The following NRXN3 variants were observed in gnomAD, a reference collection of about 807,000 sequenced individuals.
NRXN3 encodes the protein neurexin 3.
Under a neutral mutation model 137.6 loss-of-function variants are expected in NRXN3, and 32 were observed. The observed-to-expected ratio is 0.23, with a 90% CI of 0.18 to 0.31. The LOEUF (loss-of-function observed/expected upper bound fraction) is 0.31. Among genes scored for constraint, NRXN3 ranks in the 10% least tolerant of loss-of-function variants. The pLI is 1.00. For missense variants in NRXN3, 1,574 were observed against 2,062.5 expected, an observed-to-expected ratio of 0.76 and a Z score of 4.59; for synonymous variants, 798 against 784.5, an observed-to-expected ratio of 1.02 and a Z score of -0.29.
intron 17 of NRXN3, among the ~76,000 whole-genome samples, chr14:79,664,941 A>T (rs1369836905): frequency 3.3e-5 from 5 of 152,168 alleles, no homozygotes; most frequent in Admixed American, 6.6e-5. Context: ...ACTTTTCTCT[A>T]ACTTCCTTTA....
intron 4 of NRXN3, among the ~76,000 whole-genome samples, chr14:78,542,001 C>T (rs10151887): frequency 0.12 from 11,731 of 95,730 alleles, 718 homozygotes; most frequent in African/African-American, 0.21. Context: ...ACAGCAAATA[C>T]TGCAGGAAAG....
At chr14:78,629,377 G>A (rs1018818956) in intron 4 of NRXN3, among the ~76,000 whole-genome samples, 3 of 152,196 alleles carry the variant, frequency 2.0e-5, no homozygotes, top group African/African-American at 7.2e-5. Flanking sequence ...CAATGTCATT[G>A]AGGAATGCTC....
intron 15 of NRXN3, among the ~76,000 whole-genome samples, chr14:79,096,340 G>A (rs2050329702): frequency 6.6e-6 from 1 of 151,902 alleles, no homozygotes; most frequent in Non-Finnish European, 1.5e-5. Flanking sequence ...TAACTCCTGA[G>A]CTCAGGCAAT....
intron 15 of NRXN3, among the ~76,000 whole-genome samples, chr14:79,382,468 G>C (rs1234597482): frequency 6.6e-6 from 1 of 152,016 alleles, no homozygotes; most frequent in African/African-American, 2.4e-5. Flanking sequence ...TAGGTATTTG[G>C]GAACATGATG....
At chr14:79,569,249 A>T (rs1486710333) in intron 16 of NRXN3, among the ~76,000 whole-genome samples, 4 of 152,012 alleles carry the variant, frequency 2.6e-5, no homozygotes, top group African/African-American at 7.2e-5. Context: ...CTGAAAATAC[A>T]TTCTTGCCTT....
chr14:79,019,414 T>A (rs2099584986), intron 15 of NRXN3, among the ~76,000 whole-genome samples: 1 of 152,150 alleles, frequency 6.6e-6, no homozygotes, highest in South Asian at 2.1e-4. Flanking sequence ...AGAGAGATAG[T>A]CAATAAATAA....
rs1431000776 is a variant in NRXN3, at chr14:79,413,870, A to G, written c.3263-53351A>G. 1.0e-4 allele frequency among the ~76,000 whole-genome samples: 12 copies of G among 118,202 alleles called. No individual in the cohort carries two copies. In the East Asian group the frequency reaches 2.4e-3, roughly 24 times the overall value. 77.5% of individuals were successfully genotyped at this position (118,202 alleles called of 152,430 possible). A position where few individuals can be genotyped will look rare whatever the true frequency, so the allele number is the denominator to read the frequency against. The stretch of plus-strand genomic sequence containing the variant: ...ACTGTGAGTGCAAGCTGACCCAGGA[A>G]CCATGTGGTTCTCAAAAAAAAAAAA... On this transcript the variant is annotated intron_variant, in intron 15 of 20. Transcript: ENST00000335750.
intron 15 of NRXN3, among the ~76,000 whole-genome samples, chr14:79,023,048 A>G (rs561608117): frequency 1.5e-4 from 22 of 149,518 alleles, no homozygotes; most frequent in African/African-American, 5.4e-4. Context: ...ACTTTGGTTG[A>G]TGGAGGGCAG....
chr14:79,743,463 C>T (rs2098969463), intron 19 of NRXN3, among the ~76,000 whole-genome samples: 1 of 152,198 alleles, frequency 6.6e-6, no homozygotes, highest in African/African-American at 2.4e-5. Flanking sequence ...AGTGACTGTA[C>T]TGTGACCATT....
At chr14:79,558,600 C>G (rs576094648) in intron 16 of NRXN3, among the ~76,000 whole-genome samples, 1 of 149,226 alleles carries the variant, frequency 6.7e-6, no homozygotes, top group East Asian at 2.0e-4. Flanking sequence ...CAACAGTAGG[C>G]TTAAATAAAC....
At chr14:78,221,200 G>A (rs2063813582) in intron 1 of NRXN3, among the ~76,000 whole-genome samples, 1 of 152,084 alleles carries the variant, frequency 6.6e-6, no homozygotes, top group African/African-American at 2.4e-5. Flanking sequence ...AGAGAATGGA[G>A]TATGGGAGGG....
chr14:79,127,954 C>A (rs2152948670), intron 15 of NRXN3, among the ~76,000 whole-genome samples: 1 of 150,320 alleles, frequency 6.7e-6, no homozygotes, highest in Admixed American at 6.6e-5. Context: ...AATGGGAGTT[C>A]ACTCATGATT....
chr14:79,613,010 G>A (rs1195779502), intron 16 of NRXN3, among the ~76,000 whole-genome samples: 1 of 152,164 alleles, frequency 6.6e-6, no homozygotes. Context: ...GTGAGTGTCA[G>A]GTATGCAAAA....
chr14:79,037,562 G>C (rs1313348647), intron 15 of NRXN3, among the ~76,000 whole-genome samples: 2 of 152,146 alleles, frequency 1.3e-5, no homozygotes, highest in East Asian at 3.9e-4. Flanking sequence ...TAAAGAAAAA[G>C]GAGATTAGTG....
At chr14:79,476,843 A>G (rs1233956395) in intron 16 of NRXN3, among the ~76,000 whole-genome samples, 2 of 152,256 alleles carry the variant, frequency 1.3e-5, no homozygotes, top group Non-Finnish European at 2.9e-5. Context: ...AGATAGCACT[A>G]CTAATAAACA....
rs34099529 is a variant in NRXN3 at position 79,264,522 on chromosome 14, ATGTGTGTG to A, written c.3263-202670_3263-202663del. Among the ~76,000 whole-genome samples the A allele has an allele frequency of 5.9e-3, 856 of 145,286 alleles. 5 individuals carry two copies. The highest frequency in any genetic ancestry group is 0.034 in the South Asian group (153 of 4,472). On this transcript the variant is annotated intron_variant, in intron 15 of 20. Transcript: ENST00000335750. ...GCTGCCTTCTCTGTGTGTTTACATG[ATGTGTGTG>A]TGTGTGTGTGTGTGTGTGTGTGTGT...
intron 8 of NRXN3, among the ~76,000 whole-genome samples, chr14:78,764,565 T>C (rs967239894): frequency 1.3e-5 from 2 of 152,172 alleles, no homozygotes; most frequent in Admixed American, 6.5e-5. Flanking sequence ...CACCACCTCT[T>C]CTGGCTCCAT....
chr14:78,345,774 TC>T (rs1294975786), intron 4 of NRXN3, among the ~76,000 whole-genome samples: 2 of 152,178 alleles, frequency 1.3e-5, no homozygotes, highest in Non-Finnish European at 2.9e-5. Flanking sequence ...CCTGGTTACA[TC>T]CAGGCACCTG....
chr14:78,403,802 C>T, intron 4 of NRXN3: 2 of 985,356 alleles, frequency 2.0e-6, no homozygotes, highest in Non-Finnish European at 2.4e-6. Context: ...TTGTTTCTGC[C>T]CCCTGAGGTT....
Sources: gnomAD v4.1 joint callset for allele counts (sites outside exome capture counted in the v4.1 genomes callset) on GRCh38, gnomAD v4.1.1 for gene constraint, MANE v1.5 for transcripts, NCBI Gene and HGNC (gene_info 2026-07-23, HGNC 2026-07-21) for gene names.